Variants in SLC41A3 observed in about 807,000 individuals in gnomAD.
The protein encoded by SLC41A3 is SLC41A1-like 2.
In SLC41A3, 44 loss-of-function variants were observed where a neutral mutation model predicts 45.4. The observed-to-expected ratio is 0.97, with a 90% CI of 0.76 to 1.25. The LOEUF (loss-of-function observed/expected upper bound fraction) is 1.25, where lower values mean the gene tolerates loss of function less well. Among genes scored for constraint, SLC41A3 ranks in the 50% most tolerant of loss-of-function variants. SLC41A3 has a pLI of 0.00. For synonymous variants in SLC41A3, 256 were observed against 252.4 expected, an observed-to-expected ratio of 1.01 and a Z score of -0.13; for missense variants, 550 against 600.6, an observed-to-expected ratio of 0.92 and a Z score of 0.88.
chr3:126,061,425 C>T (rs1030750425), intron 2 of SLC41A3, among the ~76,000 whole-genome samples: 2 of 152,188 alleles, frequency 1.3e-5, no homozygotes, highest in African/African-American at 4.8e-5. Flanking sequence ...GGGGGATCTT[C>T]TTGGCCTCCC....
At chr3:126,098,372 T>C (rs998066624) in intron 1 of SLC41A3, among the ~76,000 whole-genome samples, 3 of 152,210 alleles carry the variant, frequency 2.0e-5, no homozygotes, top group African/African-American at 7.2e-5. Context: ...GACAGAATCC[T>C]GTCGGCACCT....
chr3:126,055,875 G>A (rs1254784051), intron 2 of SLC41A3, among the ~76,000 whole-genome samples: 1 of 152,100 alleles, frequency 6.6e-6, no homozygotes, highest in Admixed American at 6.5e-5. Flanking sequence ...GCCACGCCAG[G>A]ATGCTGCGGG....
intron 1 of SLC41A3, among the ~76,000 whole-genome samples, chr3:126,089,618 A>G (rs912018819): frequency 6.6e-6 from 1 of 152,216 alleles, no homozygotes; most frequent in Non-Finnish European, 1.5e-5. Context: ...CAAATCCTCC[A>G]CTTCATATCG....
At position 126,026,599 on chromosome 3, in the gene SLC41A3, T is replaced by G; in HGVS notation, c.454-120A>C. On this transcript the variant is annotated intron_variant, in intron 4 of 10. Coordinates refer to ENST00000360370, the MANE Select transcript of SLC41A3 (RefSeq NM_017836.4). The surrounding 1 kb of genome is among the most constrained non-coding windows in gnomAD (Gnocchi z 4.2). ...CCACATGCTACTGCCTCCTTTCCCT[T>G]ACCCTAAAATCTCACAGGCCCTCAC... 1 of 1,296,956 alleles carries G rather than the reference T, an allele frequency of 7.7e-7. No homozygotes were observed. The highest frequency in any genetic ancestry group is 1.1e-6 in the Non-Finnish European group (1 of 945,820). The allele number at this position is 1,296,956 out of a possible 1,614,324, so 80.3% of individuals were successfully genotyped here. A position where few individuals can be genotyped will look rare whatever the true frequency, so the allele number is the denominator to read the frequency against.
At position 126,068,262 on chromosome 3, in the gene SLC41A3, CA is replaced by C; in HGVS notation, c.-27-17del. On this transcript the variant is annotated splice_polypyrimidine_tract_variant and intron_variant, in intron 1 of 10. Transcript: ENST00000360370. ...CCTGGCAGCCCTACAGTGGGAGACA[CA>C]AAGTTGTAGGGCCAAGTTCCTGATT... The C allele has an allele frequency of 6.8e-7, 1 of 1,480,472 alleles. No individual in the cohort carries two copies. Among genetic ancestry groups the C allele is most frequent in the Non-Finnish European group, 8.9e-7 (1 of 1,117,372 alleles). 91.7% of individuals were successfully genotyped at this position (1,480,472 alleles called of 1,614,324 possible).
intron 1 of SLC41A3, among the ~76,000 whole-genome samples, chr3:126,099,892 C>A (rs909156334): frequency 1.3e-5 from 2 of 152,172 alleles, no homozygotes; most frequent in African/African-American, 4.8e-5. Flanking sequence ...GGATTAATTT[C>A]TTGGTCCTAC....
intron 10 of SLC41A3, 22 bp downstream of exon 10, chr3:126,008,710 T>C (rs375039891): frequency 1.9e-6 from 3 of 1,612,200 alleles, no homozygotes; most frequent in African/African-American, 2.7e-5. Context: ...TGCGCACCTC[T>C]AATTGCTGCA....
At chr3:126,029,684 G>A (rs1941653794) in intron 4 of SLC41A3, among the ~76,000 whole-genome samples, 1 of 152,126 alleles carries the variant, frequency 6.6e-6, no homozygotes, top group Non-Finnish European at 1.5e-5. Context: ...CACGGCACTT[G>A]ACAACTCATT....
intron 3 of SLC41A3, among the ~76,000 whole-genome samples, chr3:126,039,389 A>C (rs1112001): frequency 0.33 from 50,727 of 152,102 alleles, 8,668 homozygotes; most frequent in Middle Eastern, 0.44. Context: ...CAAATCAGCT[A>C]TTTTATGGGA....
intron 1 of SLC41A3, among the ~76,000 whole-genome samples, chr3:126,070,641 C>T (rs1197785264): frequency 6.6e-6 from 1 of 152,096 alleles, no homozygotes; most frequent in Non-Finnish European, 1.5e-5. Flanking sequence ...TCTTAACTAG[C>T]AAAATTATCT....
intron 7 of SLC41A3, 126 bp from the exon 8 acceptor site, chr3:126,015,699 C>T (rs929641809): frequency 2.3e-6 from 2 of 871,554 alleles, no homozygotes; most frequent in Non-Finnish European, 1.8e-6. Flanking sequence ...CTCTCCCCTA[C>T]ACAAAATATC....
chr3:126,096,633 C>T (rs1945608803), intron 1 of SLC41A3, among the ~76,000 whole-genome samples: 1 of 152,244 alleles, frequency 6.6e-6, no homozygotes, highest in Non-Finnish European at 1.5e-5. Context: ...AGATAACTAG[C>T]CAGACCCACC....
At chr3:126,018,463 C>G (rs1202718043) in intron 6 of SLC41A3, among the ~76,000 whole-genome samples, 2 of 152,216 alleles carry the variant, frequency 1.3e-5, no homozygotes, top group Non-Finnish European at 2.9e-5. Context: ...TTAAACATCA[C>G]TGCTGGCAGG....
At chr3:126,033,430 G>A (rs569421013) in intron 4 of SLC41A3, among the ~76,000 whole-genome samples, 177 bp downstream of exon 4, 2 of 152,244 alleles carry the variant, frequency 1.3e-5, no homozygotes, top group East Asian at 1.9e-4. Flanking sequence ...CAGGTGGGCT[G>A]AGCCTCCAGA....
chr3:126,026,108 C>A lies in SLC41A3; in HGVS notation c.598+227G>T, dbSNP rs747050878. Among the ~76,000 whole-genome samples, 1 of 152,126 alleles carries A rather than the reference C, an allele frequency of 6.6e-6. No individual in the cohort carries two copies. The highest frequency in any genetic ancestry group is 1.5e-5 in the Non-Finnish European group (1 of 67,996). ...GTCTTTACACAGCAGAGAGCAGAGG[C>A]GAGTGGTGGCAGGAGCGGCACACAC... On this transcript the variant is annotated intron_variant, in intron 5 of 10. Transcript: ENST00000360370. This position sits in a 1 kb window ranked among gnomAD's most constrained non-coding sequence, Gnocchi z 4.2.
intron 2 of SLC41A3, among the ~76,000 whole-genome samples, chr3:126,061,576 G>GTGAA (rs933419989): frequency 3.9e-5 from 6 of 152,316 alleles, no homozygotes; most frequent in South Asian, 4.1e-4. Flanking sequence ...GCCTGAATGA[G>GTGAA]TGAATGAATG....
chr3:126,066,294 C>G (rs894475873), intron 2 of SLC41A3, among the ~76,000 whole-genome samples: 34 of 152,334 alleles, frequency 2.2e-4, no homozygotes, highest in East Asian at 1.7e-3. Flanking sequence ...TCTAAGTGAG[C>G]TGGGCTAGTG....
chr3:126,061,132 T>C (rs1944043741), intron 2 of SLC41A3, among the ~76,000 whole-genome samples: 1 of 152,156 alleles, frequency 6.6e-6, no homozygotes, highest in Admixed American at 6.5e-5. Flanking sequence ...AGCATCCAAT[T>C]CATTTCTCAG....
chr3:126,062,631 T>C (rs1222720529), intron 2 of SLC41A3, among the ~76,000 whole-genome samples: 2 of 152,216 alleles, frequency 1.3e-5, no homozygotes, highest in Non-Finnish European at 1.5e-5. Flanking sequence ...CCTGGCACCT[T>C]GGTTAAATGC....
Sources: gnomAD v4.1 joint callset for allele counts (sites outside exome capture counted in the v4.1 genomes callset) on GRCh38, gnomAD v4.1.1 for gene constraint, Gnocchi (gnomAD v3.1) non-coding constraint, MANE v1.5 for transcripts, NCBI Gene and HGNC (gene_info 2026-07-23, HGNC 2026-07-21) for gene names.